MGRN1: variants seen among roughly 807,000 people sequenced by gnomAD.
The protein encoded by MGRN1 is mahogunin ring finger 1, also known as E3 ubiquitin-protein ligase MGRN1.
MGRN1 carries 29 observed loss-of-function variants against 69.2 expected under a neutral mutation model. The observed-to-expected ratio is 0.42, with a 90% confidence interval of 0.31 to 0.57. MGRN1 has a LOEUF of 0.57. Among genes scored for constraint, MGRN1 ranks in the 20% least tolerant of loss-of-function variants. The pLI, the probability that MGRN1 is intolerant of heterozygous loss-of-function variation, is 0.15. For missense variants in MGRN1, 998 were observed against 796.2 expected (o/e 1.25, Z -3.05); for synonymous variants, 470 against 344.2 (o/e 1.37, Z -4.04).
intron 9 of MGRN1, chr16:4,672,339 C>A (rs910029119): frequency 8.8e-6 from 4 of 456,582 alleles, no homozygotes; most frequent in African/African-American, 4.0e-5. Context: ...GAGACCACCA[C>A]GCCTGGTCGA....
At chr16:4,657,129 G>A (rs2078562335) in intron 4 of MGRN1, 117 bp from the exon 5 acceptor site, 2 of 972,198 alleles carry the variant, frequency 2.1e-6, no homozygotes, top group East Asian at 4.9e-5. Context: ...TTCCCCATGA[G>A]AGAGGGTCCC....
At chr16:4,678,604 G>A (rs1387135758) in intron 11 of MGRN1, among the ~76,000 whole-genome samples, 1 of 152,210 alleles carries the variant, frequency 6.6e-6, no homozygotes, top group African/African-American at 2.4e-5. Flanking sequence ...CAGAGATGGG[G>A]ATGGGTGGCA....
intron 12 of MGRN1, 74 bp from the exon 13 acceptor site, chr16:4,681,476 A>T: frequency 1.4e-6 from 2 of 1,392,550 alleles, no homozygotes; most frequent in Non-Finnish European, 2.0e-6. Flanking sequence ...AGTGGACAGG[A>T]GGTCATCAGG....
At chr16:4,680,419 G>C (rs577079875) in intron 12 of MGRN1, 1 of 319,708 alleles carries the variant, frequency 3.1e-6, no homozygotes, top group Non-Finnish European at 5.9e-6. Flanking sequence ...CGTCGCTGCT[G>C]CGTTTTGCAA....
chr16:4,689,713 G>C lies in MGRN1; in HGVS notation c.*805G>C, dbSNP rs558490639. The stretch of plus-strand genomic sequence containing the variant: ...GGCAGGCCCCTGCCAGGGAGGACCT[G>C]GTGGCCTCCTCATTCTCTTTTGCCA... On this transcript the variant is annotated 3_prime_UTR_variant, in exon 17 of 17. Transcript: ENST00000262370. 6.6e-6 allele frequency: 1 copy of C among 152,244 alleles called. No individual in the cohort carries two copies. The highest frequency in any genetic ancestry group is 1.9e-4 in the East Asian group (1 of 5,182). The allele number at this position is 152,244 out of a possible 1,614,324, so 9.4% of individuals were successfully genotyped here. A position where few individuals can be genotyped will look rare whatever the true frequency, so the allele number is the denominator to read the frequency against.
chr16:4,678,562 G>A (rs1006545361), intron 11 of MGRN1, among the ~76,000 whole-genome samples: 27 of 151,988 alleles, frequency 1.8e-4, no homozygotes, highest in African/African-American at 6.0e-4. Context: ...GAGAGACAGG[G>A]TGAGAGAGAT....
At chr16:4,678,799 G>C (rs1403829313) in intron 11 of MGRN1, among the ~76,000 whole-genome samples, 1 of 152,232 alleles carries the variant, frequency 6.6e-6, no homozygotes, top group African/African-American at 2.4e-5. Context: ...AAACAGAAAA[G>C]AGGAGCAGAG....
chr16:4,636,891 G>A (rs1055278185), intron 1 of MGRN1, among the ~76,000 whole-genome samples: 5 of 151,656 alleles, frequency 3.3e-5, no homozygotes, highest in South Asian at 4.2e-4. Context: ...AGGCCGAGAC[G>A]GGCAGATCAC....
At chr16:4,687,396 T>G (rs2079351903) in intron 16 of MGRN1, 1 of 910,686 alleles carries the variant, frequency 1.1e-6, no homozygotes, top group African/African-American at 1.8e-5. Flanking sequence ...AATAAAAAAT[T>G]GGCTTGGGCG....
At chr16:4,683,194 C>T in intron 14 of MGRN1, 30 bp from the exon 15 acceptor site, 2 of 1,612,554 alleles carry the variant, frequency 1.2e-6, no homozygotes, top group Non-Finnish European at 1.7e-6. Context: ...GCTCTCTGAG[C>T]TCTAGGCTAC....
chr16:4,629,110 A>G (rs1031451884), intron 1 of MGRN1, among the ~76,000 whole-genome samples: 1 of 150,126 alleles, frequency 6.7e-6, no homozygotes, highest in Non-Finnish European at 1.5e-5. Context: ...TGCTGGGATT[A>G]CAGGGGTGAG....
At chr16:4,668,408 C>T in intron 8 of MGRN1, 96 bp downstream of exon 8, 3 of 1,313,260 alleles carry the variant, frequency 2.3e-6, no homozygotes, top group East Asian at 2.3e-5. Flanking sequence ...CACTCATACA[C>T]ACGCACATAT....
intron 1 of MGRN1, among the ~76,000 whole-genome samples, chr16:4,632,546 A>G (rs1272250580): frequency 6.6e-6 from 1 of 152,070 alleles, no homozygotes; most frequent in Non-Finnish European, 1.5e-5. Context: ...GGCACCCGCC[A>G]CTACGTCTGG....
chr16:4,680,585 C>A (rs914185275), intron 12 of MGRN1: 2 of 159,514 alleles, frequency 1.3e-5, no homozygotes, highest in East Asian at 1.9e-4. Context: ...CCTCCGTGGC[C>A]CAGGCAGACC....
chr16:4,688,989 G>T lies in MGRN1; in HGVS notation c.*81G>T. 2 of 1,452,988 alleles carry T rather than the reference G, an allele frequency of 1.4e-6. No individual in the cohort carries two copies. The highest frequency in any genetic ancestry group is 1.4e-5 in the South Asian group (1 of 73,828). The allele number at this position is 1,452,988 out of a possible 1,614,324, so 90.0% of individuals were successfully genotyped here. ...GCTGCTCCGGACCCCGTTGTGAGCCGGCCTCCTGTCTGCATGCCCCCTGTG... is the reference window on the plus strand; with the variant it reads ...GCTGCTCCGGACCCCGTTGTGAGCCTGCCTCCTGTCTGCATGCCCCCTGTG... On this transcript the variant is annotated 3_prime_UTR_variant, in exon 17 of 17. Coordinates refer to ENST00000262370, the MANE Select transcript of MGRN1 (RefSeq NM_015246.4).
rs753375975 is a variant in MGRN1, at chr16:4,652,705, C to T, written c.324C>T (p.Thr108=). The change falls in exon 4 of 17, where the codon ACC becomes ACT. Residue 108 remains threonine (T), a synonymous_variant. Coordinates refer to ENST00000262370, the MANE Select transcript of MGRN1 (RefSeq NM_015246.4). The part of the protein sequence containing the change: ...VRYKDDADSP[T]EDGDKPRVLY... ...ACAAAGACGATGCCGACAGCCCCAC[C>T]GAGGACGGCGACAAGCCCCGGGTGC... 3.4e-5 allele frequency: 55 copies of T among 1,612,730 alleles called. No homozygotes were observed. Among genetic ancestry groups the T allele is most frequent in the Middle Eastern group, 1.6e-4 (1 of 6,076 alleles).
Position 4,689,731 on chromosome 16 carries a change from T to C in MGRN1, c.*823T>C, listed in dbSNP as rs1273894730. The C allele has an allele frequency of 6.6e-6, 1 of 151,684 alleles. No individual in the cohort carries two copies. Among genetic ancestry groups the C allele is most frequent in the Non-Finnish European group, 1.5e-5 (1 of 67,992 alleles). The allele number at this position is 151,684 out of a possible 1,614,324, so 9.4% of individuals were successfully genotyped here. Reference sequence around the variant, plus strand: ...AGGACCTGGTGGCCTCCTCATTCTCTTTTGCCATTGGAATGTCCCCTTGCA... The same window carrying C: ...AGGACCTGGTGGCCTCCTCATTCTCCTTTGCCATTGGAATGTCCCCTTGCA... On this transcript the variant is annotated 3_prime_UTR_variant, in exon 17 of 17. Coordinates refer to ENST00000262370, the MANE Select transcript of MGRN1 (RefSeq NM_015246.4).
At position 4,687,884 on chromosome 16, in the gene MGRN1, C is replaced by G. The variant is rs114718773; in HGVS notation, c.1619-912C>G. On this transcript the variant is annotated intron_variant, in intron 16 of 16. Transcript: ENST00000262370. ...CTCTGTCTTCTTGAGCCCAGCGAGT[C>G]CCTCTGTTGACCCCTGTCCTGAGCC... 1.3e-3 allele frequency: 1,318 copies of G among 985,530 alleles called. 13 individuals are homozygous for G. The African/African-American group carries it at 0.021, about 16-fold the overall frequency. The allele number at this position is 985,530 out of a possible 1,614,324, so 61.0% of individuals were successfully genotyped here. A position where few individuals can be genotyped will look rare whatever the true frequency, so the allele number is the denominator to read the frequency against.
chr16:4,660,538 G>A (rs186335371), intron 5 of MGRN1, among the ~76,000 whole-genome samples: 2 of 152,334 alleles, frequency 1.3e-5, no homozygotes, highest in South Asian at 2.1e-4. Context: ...AGCGGCCCAC[G>A]CCAGTGCTGA....
Sources: gnomAD v4.1 joint callset for allele counts (sites outside exome capture counted in the v4.1 genomes callset) on GRCh38, gnomAD v4.1.1 for gene constraint, MANE v1.5 for transcripts, NCBI Gene and HGNC (gene_info 2026-07-23, HGNC 2026-07-21) for gene names.